Variants in MAML2 observed in about 807,000 individuals in gnomAD.
MAML2 encodes the protein mastermind like transcriptional coactivator 2, also known as mastermind-like protein 2.
In MAML2, 22 loss-of-function variants were observed where a neutral mutation model predicts 96.1. The observed-to-expected ratio is 0.23, with a 90% CI of 0.16 to 0.33. MAML2 has a LOEUF of 0.33. Ranked by LOEUF, MAML2 falls within the 10% of genes least tolerant of loss-of-function variation. The pLI, the probability that MAML2 is intolerant of heterozygous loss-of-function variation, is 1.00. For synonymous variants in MAML2, 561 were observed against 521.3 expected (o/e 1.08, Z -1.04); for missense variants, 1,367 against 1,392.4 (o/e 0.98, Z 0.29).
At chr11:96,033,431 C>T (rs608885) in intron 2 of MAML2, among the ~76,000 whole-genome samples, 71,959 of 152,052 alleles carry the variant, frequency 0.47, 17,169 homozygotes, top group Middle Eastern at 0.59. Flanking sequence ...GCAGGAATGC[C>T]ATAAAGAATG....
intron 1 of MAML2, among the ~76,000 whole-genome samples, chr11:96,169,952 C>G (rs1861257742): frequency 6.6e-6 from 1 of 152,236 alleles, no homozygotes; most frequent in Admixed American, 6.5e-5. Flanking sequence ...CGTGCCCGAC[C>G]AGTAAAACTT....
At chr11:96,207,870 G>A (rs1591072937) in intron 1 of MAML2, among the ~76,000 whole-genome samples, 1 of 152,168 alleles carries the variant, frequency 6.6e-6, no homozygotes, top group African/African-American at 2.4e-5. Context: ...TCACTAAATA[G>A]ATGCCTCTCT....
chr11:96,252,412 A>G (rs1862594367), intron 1 of MAML2, among the ~76,000 whole-genome samples: 1 of 145,994 alleles, frequency 6.8e-6, no homozygotes, highest in Admixed American at 6.9e-5. Flanking sequence ...TCAGCGCTTT[A>G]CCTTGACTAA....
chr11:96,250,305 A>T (rs576903024), intron 1 of MAML2, among the ~76,000 whole-genome samples: 1 of 152,104 alleles, frequency 6.6e-6, no homozygotes, highest in Admixed American at 6.5e-5. Context: ...GTACATATTC[A>T]TGAGGTACAT....
chr11:96,270,814 G>T (rs1341580003), intron 1 of MAML2, among the ~76,000 whole-genome samples: 7 of 152,284 alleles, frequency 4.6e-5, no homozygotes, highest in South Asian at 4.1e-4. Context: ...CAAAAGTATT[G>T]TTCCTGGGTG....
intron 2 of MAML2, among the ~76,000 whole-genome samples, chr11:95,997,946 T>A (rs900305074): frequency 7.9e-5 from 12 of 152,048 alleles, no homozygotes; most frequent in African/African-American, 2.9e-4. Flanking sequence ...ATATATATAT[T>A]TTTAAAATGT....
At chr11:96,173,941 C>A (rs1181426537) in intron 1 of MAML2, among the ~76,000 whole-genome samples, 1 of 152,204 alleles carries the variant, frequency 6.6e-6, no homozygotes, top group Non-Finnish European at 1.5e-5. Flanking sequence ...GACAAGGGGA[C>A]AGCAGGAAAC....
chr11:96,198,547 G>A (rs1417122936), intron 1 of MAML2, among the ~76,000 whole-genome samples: 2 of 152,078 alleles, frequency 1.3e-5, no homozygotes, highest in African/African-American at 4.8e-5. Flanking sequence ...AACCATTCTG[G>A]TAATTTACTC....
chr11:96,004,200 A>G lies in MAML2; in HGVS notation c.2140-12477T>C, dbSNP rs1264200681. 3.3e-5 allele frequency among the ~76,000 whole-genome samples: 5 copies of G among 152,318 alleles called. No homozygotes were observed. In the East Asian group the frequency reaches 9.6e-4, roughly 29 times the overall value. ...TTTGGAAAGTATTATGGTTTTGGGT[A>G]GGACAAGTTATCAACATTTTCTATT... On this transcript the variant is annotated intron_variant, in intron 2 of 4. Transcript: ENST00000524717.
intron 2 of MAML2, among the ~76,000 whole-genome samples, chr11:96,027,318 G>T (rs2135742564): frequency 6.6e-6 from 1 of 152,288 alleles, no homozygotes; most frequent in Non-Finnish European, 1.5e-5. Flanking sequence ...AGAAGTATAT[G>T]CTATTATAAT....
intron 1 of MAML2, among the ~76,000 whole-genome samples, chr11:96,324,119 T>C (rs1863744077): frequency 6.6e-6 from 1 of 152,226 alleles, no homozygotes; most frequent in South Asian, 2.1e-4. Context: ...AGTCTGATAA[T>C]ACCTATGTAA....
intron 2 of MAML2, among the ~76,000 whole-genome samples, chr11:96,065,415 G>GCACACACACACACACACA (rs35035966): frequency 1.3e-5 from 2 of 149,462 alleles, no homozygotes; most frequent in Non-Finnish European, 3.0e-5. Context: ...GTGCGTGCAT[G>GCACACACACACACACACA]CACACACACA....
chr11:96,338,956 G>A (rs1217041953), intron 1 of MAML2, among the ~76,000 whole-genome samples: 1 of 152,190 alleles, frequency 6.6e-6, no homozygotes, highest in Non-Finnish European at 1.5e-5. Context: ...TGGACACAAT[G>A]TTATCAGGTT....
At chr11:96,051,156 TCA>T (rs1214591891) in intron 2 of MAML2, among the ~76,000 whole-genome samples, 1 of 152,144 alleles carries the variant, frequency 6.6e-6, no homozygotes, top group African/African-American at 2.4e-5. Flanking sequence ...TAAAATTAAT[TCA>T]TCCATCCATC....
intron 2 of MAML2, among the ~76,000 whole-genome samples, chr11:96,073,017 A>G (rs1461503804): frequency 6.6e-6 from 1 of 152,200 alleles, no homozygotes; most frequent in Non-Finnish European, 1.5e-5. Flanking sequence ...TATATTTCCA[A>G]TCTGTGAGGA....
chr11:96,290,357 T>C (rs961699053), intron 1 of MAML2, among the ~76,000 whole-genome samples: 33 of 152,220 alleles, frequency 2.2e-4, no homozygotes, highest in Admixed American at 1.5e-3. Context: ...TAAATAGTAA[T>C]TGATGCTGCT....
chr11:96,192,356 G>T (rs1331864331), intron 1 of MAML2, among the ~76,000 whole-genome samples: 4 of 152,226 alleles, frequency 2.6e-5, no homozygotes, highest in Admixed American at 2.6e-4. Context: ...TCATAACAAG[G>T]AACGTCACTG....
At chr11:96,145,744 A>C (rs1860804834) in intron 1 of MAML2, among the ~76,000 whole-genome samples, 1 of 152,232 alleles carries the variant, frequency 6.6e-6, no homozygotes, top group African/African-American at 2.4e-5. Flanking sequence ...GTGGTGGCTC[A>C]TGCTTGTAAT....
Position 96,235,882 on chromosome 11 carries a change from G to A in MAML2, c.513+105501C>T, listed in dbSNP as rs1317136424. 2.0e-5 allele frequency among the ~76,000 whole-genome samples: 3 copies of A among 152,214 alleles called. No homozygotes were observed. In the East Asian group the frequency reaches 5.8e-4, roughly 29 times the overall value. On this transcript the variant is annotated intron_variant, in intron 1 of 4. Coordinates refer to ENST00000524717, the MANE Select transcript of MAML2 (RefSeq NM_032427.4). ...CAGAAAGCTGCGGGTTAGAGCTGGA[G>A]AGAGAACTATAAACAGCAGTAAAAT...
Sources: gnomAD v4.1 joint callset for allele counts (sites outside exome capture counted in the v4.1 genomes callset) on GRCh38, gnomAD v4.1.1 for gene constraint, MANE v1.5 for transcripts, NCBI Gene and HGNC (gene_info 2026-07-23, HGNC 2026-07-21) for gene names.